Variants in FRMD3 observed in about 807,000 individuals in gnomAD.
FRMD3 encodes the protein FERM domain-containing protein 3.
Under a neutral mutation model 70.2 loss-of-function variants are expected in FRMD3, and 33 were observed. The observed-to-expected ratio is 0.47, with a 90% CI of 0.36 to 0.63. FRMD3 has a LOEUF of 0.63. Among genes scored for constraint, FRMD3 ranks in the 20% least tolerant of loss-of-function variants. FRMD3 has a pLI of 0.00. For missense variants in FRMD3, 632 were observed against 711.4 expected, an observed-to-expected ratio of 0.89 and a Z score of 1.27; for synonymous variants, 279 against 255.9, an observed-to-expected ratio of 1.09 and a Z score of -0.86.
At chr9:83,281,763 A>G (rs1833978995) in intron 13 of FRMD3, among the ~76,000 whole-genome samples, 1 of 152,112 alleles carries the variant, frequency 6.6e-6, no homozygotes, top group Non-Finnish European at 1.5e-5. Flanking sequence ...GCCTGGCTCT[A>G]CTAAGAATTC....
rs1348669532 is a variant in FRMD3 at position 83,245,612 on chromosome 9, TTTTA to T, written c.*2302_*2305del. Reference sequence around the variant, plus strand: ...CATGTGATATTTATACTATCATATTTTTTAAGTATTTTACAATGGAAAATATATT... The same window carrying T: ...CATGTGATATTTATACTATCATATTTAGTATTTTACAATGGAAAATATATT... On this transcript the variant is annotated 3_prime_UTR_variant, in exon 14 of 14. Coordinates refer to ENST00000304195, the MANE Select transcript of FRMD3 (RefSeq NM_174938.6). 3.8e-5 allele frequency: 31 copies of T among 807,630 alleles called. No homozygotes were observed. Among genetic ancestry groups the T allele is most frequent in the Middle Eastern group, 1.3e-3 (2 of 1,544 alleles). The allele number at this position is 807,630 out of a possible 1,614,324, so 50.0% of individuals were successfully genotyped here. A position where few individuals can be genotyped will look rare whatever the true frequency, so the allele number is the denominator to read the frequency against.
chr9:83,349,164 G>C (rs1275080872), intron 4 of FRMD3, among the ~76,000 whole-genome samples: 1 of 152,192 alleles, frequency 6.6e-6, no homozygotes, highest in African/African-American at 2.4e-5. Context: ...ACAGAGGGAG[G>C]TGAGAAGGGA....
At chr9:83,450,626 G>C (rs1327004302) in intron 1 of FRMD3, among the ~76,000 whole-genome samples, 1 of 152,116 alleles carries the variant, frequency 6.6e-6, no homozygotes, top group Non-Finnish European at 1.5e-5. Context: ...GTGGCAGCCT[G>C]GAACAAAGAC....
chr9:83,507,079 G>A (rs192983726), intron 1 of FRMD3, among the ~76,000 whole-genome samples: 2 of 152,094 alleles, frequency 1.3e-5, no homozygotes, highest in East Asian at 1.9e-4. Context: ...ACAATATATC[G>A]ACCAGGTGCA....
the FRMD3 span, among the ~76,000 whole-genome samples, chr9:83,559,280 C>A: frequency 6.6e-6 from 1 of 152,172 alleles, no homozygotes; most frequent in Non-Finnish European, 1.5e-5. Context: ...TAGCAACCAC[C>A]AGCAAAAAGA....
the FRMD3 span, among the ~76,000 whole-genome samples, chr9:83,559,999 T>A: frequency 6.6e-6 from 1 of 152,094 alleles, no homozygotes; most frequent in East Asian, 1.9e-4. Context: ...TTCCAATGCA[T>A]CCCCGTGTGC....
At chr9:83,550,262 G>A in the FRMD3 span, among the ~76,000 whole-genome samples, 3 of 152,096 alleles carry the variant, frequency 2.0e-5, no homozygotes, top group South Asian at 6.2e-4. Context: ...TCGTAGATGT[G>A]TGGCCTTATT....
chr9:83,461,860 G>T (rs1353470057), intron 1 of FRMD3, among the ~76,000 whole-genome samples: 2 of 151,502 alleles, frequency 1.3e-5, no homozygotes, highest in South Asian at 2.1e-4. Context: ...GCTAATTTTT[G>T]TATTTTTAGT....
At chr9:83,385,624 G>A (rs1413826288) in intron 2 of FRMD3, among the ~76,000 whole-genome samples, 1 of 151,956 alleles carries the variant, frequency 6.6e-6, no homozygotes, top group African/African-American at 2.4e-5. Flanking sequence ...AGCCCCCAAG[G>A]CAAAGGTAAC....
At chr9:83,361,616 C>G (rs1587771968) in intron 3 of FRMD3, among the ~76,000 whole-genome samples, 1 of 152,090 alleles carries the variant, frequency 6.6e-6, no homozygotes, top group East Asian at 1.9e-4. Context: ...TACTGGAGAT[C>G]TAAAAAACCC....
chr9:83,584,144 G>A, the FRMD3 span, among the ~76,000 whole-genome samples: 1 of 152,018 alleles, frequency 6.6e-6, no homozygotes. Flanking sequence ...GACCATCTTG[G>A]CCAACATGGT....
At chr9:83,381,930 A>G (rs1010888793) in intron 2 of FRMD3, among the ~76,000 whole-genome samples, 2 of 152,194 alleles carry the variant, frequency 1.3e-5, no homozygotes, top group African/African-American at 4.8e-5. Flanking sequence ...CTGAGTTCCA[A>G]TAAAACCTTA....
downstream of FRMD3, among the ~76,000 whole-genome samples, chr9:83,243,707 C>T (rs1831955344): frequency 6.6e-6 from 1 of 152,182 alleles, no homozygotes; most frequent in African/African-American, 2.4e-5. Flanking sequence ...CTTCTAAGGA[C>T]TGCTGAATAA....
At chr9:83,353,161 T>C (rs1824218916) in intron 3 of FRMD3, among the ~76,000 whole-genome samples, 1 of 151,214 alleles carries the variant, frequency 6.6e-6, no homozygotes, top group Non-Finnish European at 1.5e-5. Flanking sequence ...AAGAAGAGTG[T>C]CCCTGTAAGT....
chr9:83,432,015 C>T (rs189778568), intron 1 of FRMD3, among the ~76,000 whole-genome samples: 2 of 152,314 alleles, frequency 1.3e-5, no homozygotes, highest in East Asian at 1.9e-4. Flanking sequence ...GAGGCATAGA[C>T]AATCCTCATT....
At chr9:83,258,779 C>T (rs1832844757) in intron 13 of FRMD3, among the ~76,000 whole-genome samples, 1 of 152,198 alleles carries the variant, frequency 6.6e-6, no homozygotes, top group Admixed American at 6.5e-5. Context: ...TGAAAACAAA[C>T]TGGTTCACTT....
intron 1 of FRMD3, among the ~76,000 whole-genome samples, chr9:83,514,242 C>A (rs1829404155): frequency 6.6e-6 from 1 of 152,184 alleles, no homozygotes; most frequent in Admixed American, 6.5e-5. Context: ...GCACAGCAGT[C>A]TGAAGTTGAC....
chr9:83,462,191 G>C (rs1047336374), intron 1 of FRMD3, among the ~76,000 whole-genome samples: 1 of 152,222 alleles, frequency 6.6e-6, no homozygotes, highest in Non-Finnish European at 1.5e-5. Flanking sequence ...ACTCAGGTGT[G>C]CAAGAAATAC....
intron 1 of FRMD3, among the ~76,000 whole-genome samples, chr9:83,499,464 G>A (rs1439789676): frequency 6.6e-6 from 1 of 152,156 alleles, no homozygotes; most frequent in Non-Finnish European, 1.5e-5. Flanking sequence ...GTGGGACCCA[G>A]AAACAGAATG....
Sources: allele counts gnomAD v4.1 joint callset (sites outside exome capture counted in the v4.1 genomes callset), GRCh38; gene constraint gnomAD v4.1.1; transcripts MANE v1.5; gene names NCBI Gene and HGNC (gene_info 2026-07-23, HGNC 2026-07-21).